The following AP3S1 variants were observed in gnomAD, a reference collection of about 807,000 sequenced individuals.
AP3S1 encodes the protein adaptor related protein complex 3 subunit sigma 1, also known as AP-3 complex subunit sigma-1.
Under a neutral mutation model 21.3 loss-of-function variants are expected in AP3S1, and 12 were observed. The ratio of observed to expected loss-of-function variants is 0.56; its 90% CI spans 0.36 to 0.91. AP3S1 has a LOEUF of 0.91. Among genes scored for constraint, AP3S1 ranks in the 40% least tolerant of loss-of-function variants. AP3S1 has a pLI of 0.01. For missense variants in AP3S1, 116 were observed against 225.0 expected (o/e 0.52, Z 3.10); for synonymous variants, 48 against 78.4 (o/e 0.61, Z 2.05).
In AP3S1 at chr5:115,870,139, ACTTG is replaced by A. The variant is rs1561491893; in HGVS notation, c.273+15_273+18del. On this transcript the variant is annotated intron_variant, in intron 3 of 5. Transcript: ENST00000316788. ...TTAGATCTAATTCAAGTAAGTTAAC[ACTTG>A]CTTCTTACTATCTTAAATAACAGTT... 1 of 1,505,656 alleles carries A rather than the reference ACTTG, an allele frequency of 6.6e-7. No individual in the cohort carries two copies. The highest frequency in any genetic ancestry group is 2.3e-5 in the East Asian group (1 of 43,878). 93.3% of individuals were successfully genotyped at this position (1,505,656 alleles called of 1,614,324 possible).
chr5:115,861,681 A>G (rs920275339), intron 1 of AP3S1, among the ~76,000 whole-genome samples: 1 of 151,812 alleles, frequency 6.6e-6, no homozygotes. Flanking sequence ...CAGCCTCCCA[A>G]GTAGCTGGGA....
chr5:115,874,189 G>T (rs1748510580), intron 3 of AP3S1, among the ~76,000 whole-genome samples: 1 of 151,772 alleles, frequency 6.6e-6, no homozygotes, highest in South Asian at 2.1e-4. Flanking sequence ...TGTAAGTTTG[G>T]AAAAAAGGGG....
intron 3 of AP3S1, among the ~76,000 whole-genome samples, 186 bp downstream of exon 3, chr5:115,870,314 A>C (rs1258471179): frequency 6.6e-6 from 1 of 152,214 alleles, no homozygotes; most frequent in South Asian, 2.1e-4. Flanking sequence ...GATTAAAACT[A>C]TCATAACTAG....
At chr5:115,842,404 G>C (rs1329093789) in intron 1 of AP3S1, 1 of 290,312 alleles carries the variant, frequency 3.4e-6, no homozygotes, top group Non-Finnish European at 6.3e-6. Context: ...CCCGGCCCTC[G>C]CCGATCGGGC....
At chr5:115,912,210 G>GA (rs1752163173) in intron 5 of AP3S1, 2 of 151,976 alleles carry the variant, frequency 1.3e-5, no homozygotes, top group Non-Finnish European at 1.5e-5. Flanking sequence ...CTAAAATTAT[G>GA]AAAAGGGACC....
At chr5:115,872,981 G>A (rs1427107108) in intron 3 of AP3S1, among the ~76,000 whole-genome samples, 4 of 152,230 alleles carry the variant, frequency 2.6e-5, no homozygotes, top group Non-Finnish European at 4.4e-5. Context: ...CCTGAGCCTA[G>A]CCACTAGAAT....
chr5:115,857,473 C>A (rs1205118431), intron 1 of AP3S1, among the ~76,000 whole-genome samples: 2 of 152,170 alleles, frequency 1.3e-5, no homozygotes, highest in Non-Finnish European at 2.9e-5. Flanking sequence ...AAGAGTACAT[C>A]CAGGAATAAA....
chr5:115,859,912 ATTTAT>A (rs1056979410), intron 1 of AP3S1, among the ~76,000 whole-genome samples: 4 of 152,294 alleles, frequency 2.6e-5, no homozygotes, highest in African/African-American at 9.6e-5. Context: ...TGGTCCCTGA[ATTTAT>A]TTTATGTTAC....
intron 1 of AP3S1, among the ~76,000 whole-genome samples, chr5:115,859,316 C>T (rs189208163): frequency 3.9e-5 from 6 of 152,302 alleles, no homozygotes; most frequent in African/African-American, 1.4e-4. Flanking sequence ...TAGAACCTTT[C>T]ATGTGGGCCT....
rs112000607 is a variant in AP3S1, at chr5:115,866,735, T to C, written c.135T>C (p.Asn45=). The C allele has an allele frequency of 4.2e-5, 68 of 1,603,026 alleles. 1 individual carries two copies. Among genetic ancestry groups the C allele is most frequent in the African/African-American group, 3.9e-4 (29 of 74,686 alleles). ...TFHLVSKRDE[N]VCNFLEGGLL... ...ATTTGGTATCTAAGAGAGATGAAAA[T>C]GTTTGTAATTTCCTAGAAGGAGGAT... The change falls in exon 2 of 6, where the codon AAT becomes AAC. Residue 45 remains asparagine (N), a synonymous_variant. Coordinates refer to ENST00000316788, the MANE Select transcript of AP3S1 (RefSeq NM_001284.4).
chr5:115,909,210 G>C (rs890808056), intron 5 of AP3S1, among the ~76,000 whole-genome samples: 2 of 152,112 alleles, frequency 1.3e-5, no homozygotes, highest in Non-Finnish European at 2.9e-5. Context: ...TATTGCATGA[G>C]GAAAAGGGAG....
At chr5:115,877,528 A>C (rs1400158999) in intron 3 of AP3S1, among the ~76,000 whole-genome samples, 1 of 152,172 alleles carries the variant, frequency 6.6e-6, no homozygotes, top group Non-Finnish European at 1.5e-5. Flanking sequence ...AAAGGACAGG[A>C]ACTCATCCTT....
Position 115,913,758 on chromosome 5 carries a change from C to T in AP3S1, c.*268C>T. 2 of 455,814 alleles carry T rather than the reference C, an allele frequency of 4.4e-6. No homozygotes were observed. Among genetic ancestry groups the T allele is most frequent in the Non-Finnish European group, 3.8e-6 (1 of 261,990 alleles). The allele number at this position is 455,814 out of a possible 1,614,324, so 28.2% of individuals were successfully genotyped here. On this transcript the variant is annotated 3_prime_UTR_variant, in exon 6 of 6. Transcript: ENST00000316788. ...TCCTGTGCCCACCTACGGCATGCCT[C>T]TATGTATTGGCTACTACAGTGTTTT...
intron 5 of AP3S1, chr5:115,906,959 GT>G (rs1751701415): frequency 7.3e-6 from 10 of 1,376,324 alleles, no homozygotes; most frequent in Non-Finnish European, 9.4e-6. Context: ...AATTCTTTGT[GT>G]TAATAAACCC....
intron 5 of AP3S1, among the ~76,000 whole-genome samples, chr5:115,909,937 A>G (rs1751962660): frequency 6.6e-6 from 1 of 152,176 alleles, no homozygotes; most frequent in African/African-American, 2.4e-5. Context: ...AACTAATAAT[A>G]AAAGAGAACA....
At chr5:115,863,286 A>G (rs1023721888) in intron 1 of AP3S1, among the ~76,000 whole-genome samples, 1 of 152,306 alleles carries the variant, frequency 6.6e-6, no homozygotes, top group African/African-American at 2.4e-5. Context: ...AATCCCAGCT[A>G]CTTGGGAGGC....
intron 1 of AP3S1, among the ~76,000 whole-genome samples, chr5:115,857,997 T>C (rs970187953): frequency 1.3e-5 from 2 of 152,256 alleles, no homozygotes; most frequent in Non-Finnish European, 1.5e-5. Flanking sequence ...GTCTGAATCA[T>C]ACACATCTTT....
At chr5:115,865,099 C>T (rs1004488131) in intron 1 of AP3S1, among the ~76,000 whole-genome samples, 8 of 151,724 alleles carry the variant, frequency 5.3e-5, no homozygotes, top group Non-Finnish European at 7.4e-5. Flanking sequence ...CTCCAGCCTC[C>T]CCATCCACTA....
chr5:115,859,742 T>C (rs1329162633), intron 1 of AP3S1, among the ~76,000 whole-genome samples: 1 of 152,204 alleles, frequency 6.6e-6, no homozygotes, highest in Non-Finnish European at 1.5e-5. Flanking sequence ...AGTTGGTATC[T>C]CTATTATCAT....
Sources: allele counts gnomAD v4.1 joint callset (sites outside exome capture counted in the v4.1 genomes callset), GRCh38; gene constraint gnomAD v4.1.1; transcripts MANE v1.5; gene names NCBI Gene and HGNC (gene_info 2026-07-23, HGNC 2026-07-21).